Variants in KAZN observed in about 807,000 individuals in gnomAD.
KAZN encodes kazrin.
In KAZN, 40 loss-of-function variants were observed where a neutral mutation model predicts 87.4. That is an observed-to-expected ratio of 0.46 (90% CI 0.36 to 0.60). The LOEUF is 0.60. Ranked by LOEUF, KAZN falls within the 20% of genes least tolerant of loss-of-function variation. The probability of loss-of-function intolerance (pLI) is 0.00; values close to 1 mark genes in which losing one functional copy is unlikely to be tolerated. For missense variants in KAZN, 898 were observed against 1,073.9 expected (o/e 0.84, Z 2.29); for synonymous variants, 466 against 458.3 (o/e 1.02, Z -0.22).
chr1:14,675,943 C>A (rs903603993), intron 1 of KAZN, among the ~76,000 whole-genome samples: 1 of 152,058 alleles, frequency 6.6e-6, no homozygotes, highest in Non-Finnish European at 1.5e-5. Flanking sequence ...CTCTACACCC[C>A]GAGTATGGTT....
chr1:14,010,949 C>G (rs534785384), intron 1 of KAZN, among the ~76,000 whole-genome samples: 1 of 152,300 alleles, frequency 6.6e-6, no homozygotes, highest in South Asian at 2.1e-4. Flanking sequence ...CCTTGCTTCC[C>G]CTTTTTTTTT....
chr1:14,459,632 C>T (rs975195738), intron 2 of KAZN, among the ~76,000 whole-genome samples: 7 of 152,110 alleles, frequency 4.6e-5, no homozygotes, highest in African/African-American at 7.2e-5. Flanking sequence ...GGGCACAGGA[C>T]GGGTGAGTAG....
At chr1:14,702,156 C>G (rs1641958639) in intron 1 of KAZN, among the ~76,000 whole-genome samples, 1 of 152,178 alleles carries the variant, frequency 6.6e-6, no homozygotes, top group Non-Finnish European at 1.5e-5. Context: ...GGGCTATGTT[C>G]TTTGTTTACA....
In KAZN at chr1:14,770,143, G is replaced by C. The variant is rs536476524; in HGVS notation, c.226+170920G>C. On this transcript the variant is annotated intron_variant, in intron 1 of 14. Coordinates refer to ENST00000376030, the MANE Select transcript of KAZN (RefSeq NM_201628.3). ...TGGTTGGGGTCCGGATCACTCTGCA[G>C]TTGGCCATGGTGAAAGTTTGGACTT... 1.2e-3 allele frequency among the ~76,000 whole-genome samples: 178 copies of C among 152,312 alleles called. 1 individual carries two copies. Among genetic ancestry groups the C allele is most frequent in the Non-Finnish European group, 1.2e-3 (83 of 68,018 alleles).
At chr1:14,259,119 G>T (rs1650809264) in intron 2 of KAZN, among the ~76,000 whole-genome samples, 1 of 151,918 alleles carries the variant, frequency 6.6e-6, no homozygotes, top group African/African-American at 2.4e-5. Flanking sequence ...AAGGCCGATG[G>T]TTTCTGCTTG....
rs971955201 is a variant in KAZN at position 15,021,610 on chromosome 1, G to A, written c.419-13139G>A. On this transcript the variant is annotated intron_variant, in intron 2 of 14. Transcript: ENST00000376030. This position sits in a 1 kb window ranked among gnomAD's most constrained non-coding sequence, Gnocchi z 4.2. ...CCCTCCTGGCTTCCAGGTGACCTCT[G>A]AGCTCTTCCAGGGGCAGTCCTGAGC... Among the ~76,000 whole-genome samples the A allele has an allele frequency of 6.6e-6, 1 of 152,138 alleles. No individual in the cohort carries two copies. The highest frequency in any genetic ancestry group is 1.5e-5 in the Non-Finnish European group (1 of 68,036).
rs540541841 is a variant in KAZN, at chr1:14,371,143, C to A, written c.249+190551C>A. ...GAGGGCTTACTAAAACACAGCTGGG[C>A]CCCATCTCAGAGTTCCAGGTTCAGT... On this transcript the variant is annotated intron_variant, in intron 2 of 16. Coordinates refer to the KAZN transcript ENST00000636203. 1.1e-4 allele frequency among the ~76,000 whole-genome samples: 17 copies of A among 152,300 alleles called. 2 individuals are homozygous for A. In the South Asian group the frequency reaches 3.5e-3, roughly 32 times the overall value.
intron 2 of KAZN, among the ~76,000 whole-genome samples, chr1:14,302,970 A>G (rs1654662555): frequency 6.6e-6 from 1 of 152,096 alleles, no homozygotes; most frequent in Non-Finnish European, 1.5e-5. Flanking sequence ...ATTGAATGTG[A>G]TATTAGCTCA....
At chr1:14,447,995 G>A (rs1056121609) in intron 2 of KAZN, among the ~76,000 whole-genome samples, 1 of 152,186 alleles carries the variant, frequency 6.6e-6, no homozygotes, top group Non-Finnish European at 1.5e-5. Context: ...AGAGAGTAGG[G>A]GACCTGTGGT....
Position 15,060,272 on chromosome 1 carries a change from C to G in KAZN, c.1017C>G (p.Ser339=). The G allele has an allele frequency of 6.2e-7, 1 of 1,614,230 alleles. No individual in the cohort carries two copies. The highest frequency in any genetic ancestry group is 8.5e-7 in the Non-Finnish European group (1 of 1,180,030). The change falls in exon 6 of 15, where the codon TCC becomes TCG. Residue 339 remains serine, a synonymous_variant. Coordinates refer to ENST00000376030, the MANE Select transcript of KAZN (RefSeq NM_201628.3). ...DRSSTPSDIN[S]PRHRTHSLCN... ...CGTCCACACCGAGCGACATCAACTC[C>G]CCTCGACACCGGACACACTCCCTCT...
chr1:14,775,710 T>C (rs546322886), intron 1 of KAZN, among the ~76,000 whole-genome samples: 1 of 152,360 alleles, frequency 6.6e-6, no homozygotes, highest in East Asian at 1.9e-4. Context: ...GATTTAGCCT[T>C]AGGCTCATAG....
intron 2 of KAZN, among the ~76,000 whole-genome samples, chr1:14,256,354 G>A (rs936786280): frequency 6.6e-6 from 1 of 151,838 alleles, no homozygotes; most frequent in Non-Finnish European, 1.5e-5. Flanking sequence ...ACCCACCCCC[G>A]CAACTTCTAC....
chr1:14,324,068 T>C (rs1386358031), intron 2 of KAZN, among the ~76,000 whole-genome samples: 1 of 152,192 alleles, frequency 6.6e-6, no homozygotes, highest in Non-Finnish European at 1.5e-5. Context: ...TGCACCCTAA[T>C]TGCATTCTGT....
At chr1:14,196,263 G>A (rs975742772) in intron 2 of KAZN, among the ~76,000 whole-genome samples, 8 of 152,148 alleles carry the variant, frequency 5.3e-5, no homozygotes, top group Non-Finnish European at 7.4e-5. Context: ...CTGAACAAAA[G>A]GGGGAGCCTA....
At chr1:14,609,885 C>G (rs1294808216) in intron 1 of KAZN, among the ~76,000 whole-genome samples, 1 of 152,262 alleles carries the variant, frequency 6.6e-6, no homozygotes, top group East Asian at 1.9e-4. Context: ...CTTCCCCTCC[C>G]TTTCTCCACA....
chr1:13,993,794 G>A (rs1454255823), intron 1 of KAZN, among the ~76,000 whole-genome samples: 1 of 152,182 alleles, frequency 6.6e-6, no homozygotes, highest in Non-Finnish European at 1.5e-5. Context: ...TCAGGGGTGG[G>A]CATGGGGCCA....
chr1:14,290,628 C>T (rs1653610181), intron 2 of KAZN, among the ~76,000 whole-genome samples: 1 of 152,154 alleles, frequency 6.6e-6, no homozygotes, highest in South Asian at 2.1e-4. Context: ...TGAACATCCT[C>T]CTTCAGCTTG....
intron 1 of KAZN, among the ~76,000 whole-genome samples, chr1:14,721,202 A>G (rs1437461436): frequency 6.6e-6 from 1 of 152,002 alleles, no homozygotes; most frequent in Non-Finnish European, 1.5e-5. Context: ...CATGGGAGGG[A>G]CCCAATGGGA....
At chr1:14,557,353 C>A (rs1363115684) in intron 2 of KAZN, among the ~76,000 whole-genome samples, 1 of 151,908 alleles carries the variant, frequency 6.6e-6, no homozygotes, top group Admixed American at 6.6e-5. Context: ...AAATGGGTAC[C>A]AGTTAAAGGA....
Sources: allele counts gnomAD v4.1 joint callset (sites outside exome capture counted in the v4.1 genomes callset), GRCh38; gene constraint gnomAD v4.1.1; non-coding constraint Gnocchi (gnomAD v3.1); transcripts MANE v1.5; gene names NCBI Gene and HGNC (gene_info 2026-07-23, HGNC 2026-07-21).